The following CBARP variants were observed in gnomAD, a reference collection of about 807,000 sequenced individuals.
CBARP encodes the protein CACN subunit beta associated regulatory protein, also known as voltage-dependent calcium channel beta subunit-associated regulatory protein.
Under a neutral mutation model 36.3 loss-of-function variants are expected in CBARP, and 24 were observed. The observed-to-expected ratio is 0.66, with a 90% CI of 0.48 to 0.93. The LOEUF (loss-of-function observed/expected upper bound fraction) is 0.93, where lower values mean the gene tolerates loss of function less well. Among genes scored for constraint, CBARP ranks in the 40% least tolerant of loss-of-function variants. CBARP has a pLI of 0.00. For missense variants in CBARP, 1,146 were observed against 980.4 expected (o/e 1.17, Z -2.26); for synonymous variants, 586 against 453.2 (o/e 1.29, Z -3.72).
chr19:1,233,232 C>T (rs2080916892), intron 8 of CBARP, among the ~76,000 whole-genome samples, 194 bp downstream of exon 8: 1 of 152,192 alleles, frequency 6.6e-6, no homozygotes, highest in African/African-American at 2.4e-5. Flanking sequence ...CTCAGGCCGC[C>T]CGCACACTCA....
At chr19:1,237,043 G>A (rs1391666874) in intron 1 of CBARP, among the ~76,000 whole-genome samples, 1 of 152,136 alleles carries the variant, frequency 6.6e-6, no homozygotes, top group African/African-American at 2.4e-5. Context: ...GGGGAGGCCC[G>A]GGAATCGCAG....
intron 1 of CBARP, among the ~76,000 whole-genome samples, chr19:1,236,881 GCGCGAAGCCGCAAGATGGCCGCGGC>G (rs1277453766): frequency 8.4e-5 from 12 of 142,038 alleles, no homozygotes; most frequent in Admixed American, 2.1e-4. Context: ...GGGGGGGCGG[GCGCGAAGCCGCAAGATGGCCGCGGC>G]CGCCTCCCCG....
At chr19:1,234,377 G>A (rs912960055) in intron 6 of CBARP, 46 bp from the exon 7 acceptor site, 2 of 1,439,174 alleles carry the variant, frequency 1.4e-6, no homozygotes, top group Non-Finnish European at 1.8e-6. Flanking sequence ...ACAGGTCAAA[G>A]AGCATGGGTG....
Position 1,230,079 on chromosome 19 carries a change from G to C in CBARP, c.1218C>G (p.Gly406=). 1.8e-6 allele frequency: 2 copies of C among 1,114,148 alleles called. 1 individual carries two copies. The highest frequency in any genetic ancestry group is 2.2e-6 in the Non-Finnish European group (2 of 904,356). The allele number at this position is 1,114,148 out of a possible 1,614,324, so 69.0% of individuals were successfully genotyped here. Residue 406 remains glycine (G), a synonymous_variant, in exon 10 of 10, where the codon GGC becomes GGG. Transcript: ENST00000650044. ...GCTGCTGCTGCTCAGGCCCCGCGCT[G>C]CCCGCGCCGCGCTCCGGGGGGGAAT... The part of the protein sequence containing the change: ...SPDSPPERGA[G]SAGPEQQQPP...
intron 3 of CBARP, 49 bp from the exon 4 acceptor site, chr19:1,235,614 C>T (rs2080958541): frequency 6.3e-7 from 1 of 1,591,750 alleles, no homozygotes; most frequent in East Asian, 2.3e-5. Flanking sequence ...CCCAGATAGC[C>T]ACAGTGGGTC....
intron 1 of CBARP, 64 bp from the exon 2 acceptor site, chr19:1,236,185 C>T (rs2080970309): frequency 7.4e-7 from 1 of 1,357,798 alleles, no homozygotes; most frequent in Non-Finnish European, 9.4e-7. Flanking sequence ...CCACTGCAGA[C>T]AAGCTGGGTC....
chr19:1,235,175 C>T, intron 4 of CBARP, 30 bp from the exon 5 acceptor site: 1 of 1,514,492 alleles, frequency 6.6e-7, no homozygotes, highest in South Asian at 1.2e-5. Context: ...AGGGTGGGCC[C>T]CGGGCGGGCC....
chr19:1,235,921 G>C lies in CBARP; in HGVS notation c.106-3C>G, dbSNP rs1162477000. The C allele has an allele frequency of 1.2e-6, 2 of 1,610,192 alleles. No individual in the cohort carries two copies. The highest frequency in any genetic ancestry group is 1.7e-6 in the Non-Finnish European group (2 of 1,179,152). ...TCCAGGATGGGGTCTGGCTCTGCCT[G>C]CGGGTGTGCAGGGGGGGTCAGGTGC... On this transcript the variant is annotated splice_region_variant and splice_polypyrimidine_tract_variant and intron_variant, in intron 2 of 9. Coordinates refer to ENST00000650044, the MANE Select transcript of CBARP (RefSeq NM_001393918.1).
chr19:1,229,507 G>T lies in CBARP; in HGVS notation c.1790C>A (p.Ala597Asp). The T allele has an allele frequency of 1.0e-6, 1 of 979,182 alleles. No homozygotes were observed. The highest frequency in any genetic ancestry group is 1.2e-6 in the Non-Finnish European group (1 of 827,750). 60.7% of individuals were successfully genotyped at this position (979,182 alleles called of 1,614,324 possible). The change falls in exon 10 of 10, where the codon GCC becomes GAC. Residue 597 changes from alanine to aspartate, a missense_variant. By Grantham distance (126) the Ala-to-Asp change is moderately radical. Transcript: ENST00000650044. The surrounding 1 kb of genome is among the most constrained non-coding windows in gnomAD (Gnocchi z 5.1). Reference protein sequence around the residue: ...HSDPGARAAPALAGTPAPPAG... With the variant: ...HSDPGARAAPDLAGTPAPPAG... ...AGGCGGTGCCGGGGTTCCGGCCAGGGCCGGGGCCGCGCGGGCGCCGGGGTC... is the reference window on the plus strand; with the variant it reads ...AGGCGGTGCCGGGGTTCCGGCCAGGTCCGGGGCCGCGCGGGCGCCGGGGTC...
Position 1,230,146 on chromosome 19 carries a change from C to T in CBARP, c.1155-4G>A. 5.9e-6 allele frequency: 6 copies of T among 1,012,788 alleles called. No homozygotes were observed. The highest frequency in any genetic ancestry group is 7.1e-6 in the Non-Finnish European group (6 of 845,794). The allele number at this position is 1,012,788 out of a possible 1,614,324, so 62.7% of individuals were successfully genotyped here. The stretch of plus-strand genomic sequence containing the variant: ...CGCTGCCTCGGCCGCCTCTAGCCTG[C>T]AAGCCAGGCCGCGCCGTCAGAGCCC... On this transcript the variant is annotated splice_polypyrimidine_tract_variant and splice_region_variant and intron_variant, in intron 9 of 9. Transcript: ENST00000650044.
chr19:1,235,422 C>G (rs973347817), intron 4 of CBARP, 79 bp downstream of exon 4: 7 of 1,412,136 alleles, frequency 5.0e-6, no homozygotes, highest in Admixed American at 5.3e-5. Flanking sequence ...CACAGACGGT[C>G]AGGCAGCCCG....
At chr19:1,231,679 G>C (rs1386825390) in intron 8 of CBARP, among the ~76,000 whole-genome samples, 1 of 150,314 alleles carries the variant, frequency 6.7e-6, no homozygotes, top group Non-Finnish European at 1.5e-5. Context: ...CGTGTGCCCT[G>C]TCTCTGTCTC....
At chr19:1,231,368 C>A in intron 8 of CBARP, 93 bp from the exon 9 acceptor site, 1 of 1,378,208 alleles carries the variant, frequency 7.3e-7, no homozygotes, top group South Asian at 1.4e-5. Context: ...GCCACACACA[C>A]ACAATGCCTG....
chr19:1,231,088 T>C lies in CBARP; in HGVS notation c.1154+13A>G. 6.3e-7 allele frequency: 1 copy of C among 1,593,404 alleles called. No individual in the cohort carries two copies. The highest frequency in any genetic ancestry group is 8.6e-7 in the Non-Finnish European group (1 of 1,168,256). ...CAGGTCCACCCCTAGCACCTCCATC[T>C]ACTGAAAAATACCTGCCGAGAGCAG... On this transcript the variant is annotated intron_variant, in intron 9 of 9. Coordinates refer to ENST00000650044, the MANE Select transcript of CBARP (RefSeq NM_001393918.1).
chr19:1,229,613 C>T lies in CBARP; in HGVS notation c.1684G>A (p.Asp562Asn), dbSNP rs1412261114. 4 of 1,201,052 alleles carry T rather than the reference C, an allele frequency of 3.3e-6. No homozygotes were observed. The highest frequency in any genetic ancestry group is 4.2e-6 in the Non-Finnish European group (4 of 947,846). 74.4% of individuals were successfully genotyped at this position (1,201,052 alleles called of 1,614,324 possible). A position where few individuals can be genotyped will look rare whatever the true frequency, so the allele number is the denominator to read the frequency against. ...EFLRHDPHFD[D>N]TPAAARHRAR... is the part of the protein sequence containing the mutation. Reference sequence around the variant, plus strand: ...CGGTGTCGCGCGGCAGCCGGCGTGTCGTCGAAGTGCGGGTCGTGGCGCAGG... The same window carrying T: ...CGGTGTCGCGCGGCAGCCGGCGTGTTGTCGAAGTGCGGGTCGTGGCGCAGG... Residue 562 changes from aspartate (D) to asparagine (N), a missense_variant, in exon 10 of 10, where the codon GAC becomes AAC. By Grantham distance (23) the Asp-to-Asn change is conservative. Transcript: ENST00000650044. This position sits in a 1 kb window ranked among gnomAD's most constrained non-coding sequence, Gnocchi z 5.1.
rs1479897991 is a variant in CBARP at position 1,235,516 on chromosome 19, TGCC to T, written c.292_294del (p.Gly98del). 1 of 1,599,462 alleles carries T rather than the reference TGCC, an allele frequency of 6.3e-7. No individual in the cohort carries two copies. The highest frequency in any genetic ancestry group is 1.7e-5 in the Admixed American group (1 of 57,212). ...AGCACCTCACCTTGGGCTGGGTGGG[TGCC>T]GTTGTCCAGGTAGGTGGTGGTGGTC... On this transcript the variant is annotated inframe_deletion, in exon 4 of 10. Coordinates refer to ENST00000650044, the MANE Select transcript of CBARP (RefSeq NM_001393918.1).
chr19:1,233,580 A>C lies in CBARP; in HGVS notation c.825T>G (p.Pro275=). ...CCCCGGATCCCGGGCCCGCCTCCCC[A>C]GGCCCTGCTGCAGCCCCGGGCCCTC... is the stretch of plus-strand genomic sequence containing the variant. ...KAGGPGAAAG[P]GEAGPGSGAG... The change falls in exon 8 of 10, where the codon CCT becomes CCG. Residue 275 remains proline, a synonymous_variant. Coordinates refer to ENST00000650044, the MANE Select transcript of CBARP (RefSeq NM_001393918.1). 6.2e-7 allele frequency: 1 copy of C among 1,610,800 alleles called. No homozygotes were observed. The highest frequency in any genetic ancestry group is 1.3e-5 in the African/African-American group (1 of 75,020).
Position 1,235,781 on chromosome 19 carries a change from G to A in CBARP, c.243C>T (p.Asn81=), listed in dbSNP as rs1335989782. The A allele has an allele frequency of 1.9e-6, 3 of 1,607,416 alleles. No individual in the cohort carries two copies. The highest frequency in any genetic ancestry group is 1.7e-5 in the Admixed American group (1 of 60,002). ...KRCWDVHQRL[N]RAMEEAEKTT... ...CAGCCGAGGTGGGGGCCTCGCACCT[G>A]TTGAGGCGCTGGTGGACGTCCCAGC... Residue 81 remains asparagine, a splice_region_variant and synonymous_variant, in exon 3 of 10, where the codon AAC becomes AAT. Coordinates refer to ENST00000650044, the MANE Select transcript of CBARP (RefSeq NM_001393918.1).
At chr19:1,231,502 TAGAACGCCTGTGCCCCCCACCAC>T (rs2080893131) in intron 8 of CBARP, among the ~76,000 whole-genome samples, 1 of 57,778 alleles carries the variant, frequency 1.7e-5, no homozygotes, top group Non-Finnish European at 3.1e-5. Context: ...TACACACACA[TAGAACGCCTGTGCCCCCCACCAC>T]AGAACGCCTG....
Sources: gnomAD v4.1 joint callset for allele counts (sites outside exome capture counted in the v4.1 genomes callset) on GRCh38, gnomAD v4.1.1 for gene constraint, Gnocchi (gnomAD v3.1) non-coding constraint, MANE v1.5 for transcripts, NCBI Gene and HGNC (gene_info 2026-07-23, HGNC 2026-07-21) for gene names.